Variants in DPP6 observed in about 807,000 individuals in gnomAD.
DPP6 encodes the protein A-type potassium channel modulatory protein DPP6.
Under a neutral mutation model 122.6 loss-of-function variants are expected in DPP6, and 69 were observed. The observed-to-expected ratio is 0.56, with a 90% CI of 0.46 to 0.69. The LOEUF (loss-of-function observed/expected upper bound fraction) is 0.69, where lower values mean the gene tolerates loss of function less well. Among genes scored for constraint, DPP6 ranks in the 30% least tolerant of loss-of-function variants. The probability of loss-of-function intolerance (pLI) is 0.00; values close to 1 mark genes in which losing one functional copy is unlikely to be tolerated. For missense variants in DPP6, 928 were observed against 1,116.9 expected, an observed-to-expected ratio of 0.83 and a Z score of 2.41; for synonymous variants, 418 against 433.1, an observed-to-expected ratio of 0.97 and a Z score of 0.43.
At chr7:154,434,279 C>T (rs527747723) in intron 1 of DPP6, among the ~76,000 whole-genome samples, 2 of 152,300 alleles carry the variant, frequency 1.3e-5, no homozygotes, top group South Asian at 4.1e-4. Flanking sequence ...TACCATGCTG[C>T]TGTAAAACAA....
intron 4 of DPP6, among the ~76,000 whole-genome samples, chr7:154,561,879 C>G (rs62477167): frequency 0.15 from 23,142 of 152,094 alleles, 1,815 homozygotes; most frequent in Admixed American, 0.17. Flanking sequence ...CAAAGTATTA[C>G]AGTTCACCAG....
At chr7:154,178,905 A>T (rs1011822624) in intron 1 of DPP6, among the ~76,000 whole-genome samples, 1 of 152,186 alleles carries the variant, frequency 6.6e-6, no homozygotes, top group Non-Finnish European at 1.5e-5. Context: ...GCTTCAAGAT[A>T]GAACCCAAGG....
At chr7:154,120,397 A>C (rs1807360055) in intron 1 of DPP6, among the ~76,000 whole-genome samples, 1 of 152,046 alleles carries the variant, frequency 6.6e-6, no homozygotes, top group Admixed American at 6.5e-5. Context: ...GGTGTCCGCC[A>C]CCATGCCCAG....
intron 1 of DPP6, chr7:153,887,754 C>T (rs1798996985): frequency 3.1e-6 from 5 of 1,611,742 alleles, no homozygotes; most frequent in Non-Finnish European, 4.2e-6. Context: ...ACGGACAGGG[C>T]GCGCGCTGGG....
At chr7:154,648,839 A>G (rs1836677035) in intron 6 of DPP6, among the ~76,000 whole-genome samples, 1 of 151,862 alleles carries the variant, frequency 6.6e-6, no homozygotes, top group Non-Finnish European at 1.5e-5. Context: ...GAATCATTTG[A>G]ACCCAGGAGG....
chr7:154,683,418 C>T (rs1839405993), intron 7 of DPP6, among the ~76,000 whole-genome samples: 1 of 152,184 alleles, frequency 6.6e-6, no homozygotes, highest in Admixed American at 6.5e-5. Context: ...CCCCTTCCTC[C>T]CCCACCGGCT....
intron 8 of DPP6, among the ~76,000 whole-genome samples, chr7:154,749,545 A>G (rs1587015484): frequency 1.6e-5 from 2 of 128,518 alleles, no homozygotes; most frequent in African/African-American, 3.1e-5. Flanking sequence ...CGGGAGAGAG[A>G]GGGATGGAGG....
upstream of DPP6, among the ~76,000 whole-genome samples, chr7:154,048,460 TAG>T (rs944419284): frequency 7.6e-5 from 6 of 79,072 alleles, 2 homozygotes; most frequent in Admixed American, 4.9e-4. Context: ...CTTTGAGAGA[TAG>T]AGAGTGAGAA....
At chr7:153,989,392 TTGTG>T (rs1292693687) in intron 1 of DPP6, among the ~76,000 whole-genome samples, 7 of 150,948 alleles carry the variant, frequency 4.6e-5, no homozygotes, top group African/African-American at 7.3e-5. Context: ...AGTTGTGTGA[TTGTG>T]TGTACACACA....
intron 16 of DPP6, among the ~76,000 whole-genome samples, chr7:154,839,837 C>T (rs1051867422): frequency 1.3e-5 from 2 of 152,166 alleles, no homozygotes; most frequent in African/African-American, 2.4e-5. Flanking sequence ...TTGTATTTCA[C>T]GTCAAGAGTT....
chr7:154,053,649 C>G (rs533504789), intron 1 of DPP6, among the ~76,000 whole-genome samples: 20 of 152,182 alleles, frequency 1.3e-4, no homozygotes, highest in Admixed American at 4.6e-4. Flanking sequence ...AAAAAAAATA[C>G]CAAAATACTG....
chr7:154,055,323 A>C (rs1276247525), intron 1 of DPP6, among the ~76,000 whole-genome samples: 1 of 133,576 alleles, frequency 7.5e-6, no homozygotes, highest in Non-Finnish European at 1.6e-5. Context: ...ACAAACTTTT[A>C]TGCACTCTTC....
chr7:154,037,085 G>C (rs1799572927), intron 1 of DPP6, among the ~76,000 whole-genome samples: 3 of 152,128 alleles, frequency 2.0e-5, no homozygotes, highest in Admixed American at 2.0e-4. Flanking sequence ...ATGAGTCTCT[G>C]ATCCAGACAT....
intron 16 of DPP6, among the ~76,000 whole-genome samples, chr7:154,819,164 C>T (rs1799605473): frequency 6.6e-6 from 1 of 152,168 alleles, no homozygotes. Flanking sequence ...CCTGTAATGC[C>T]AGCATTTTGG....
intron 1 of DPP6, among the ~76,000 whole-genome samples, chr7:154,023,318 G>GCACACACACACACA (rs1554436897): frequency 0.01 from 1,348 of 129,566 alleles, 20 homozygotes; most frequent in East Asian, 0.016. Context: ...TTTCTTGTCT[G>GCACACACACACACA]CACACACACA....
intron 1 of DPP6, among the ~76,000 whole-genome samples, chr7:154,059,979 TCTTCCCCC>T (rs1801438956): frequency 6.6e-6 from 1 of 152,030 alleles, no homozygotes. Flanking sequence ...ATCCATCCCC[TCTTCCCCC>T]CTGGCTGTTG....
chr7:154,060,308 T>G (rs1801555528), intron 1 of DPP6, among the ~76,000 whole-genome samples: 2 of 129,750 alleles, frequency 1.5e-5, no homozygotes, highest in Non-Finnish European at 3.3e-5. Flanking sequence ...CCCCCCTGGC[T>G]CTTAGGACCC....
intron 1 of DPP6, among the ~76,000 whole-genome samples, chr7:153,930,805 A>G (rs1801137074): frequency 6.6e-6 from 1 of 152,152 alleles, no homozygotes; most frequent in Non-Finnish European, 1.5e-5. Flanking sequence ...TTGTAAGGAC[A>G]TGGTCTCTTG....
rs1427117759 is a variant in DPP6 at position 154,079,513 on chromosome 7, G to A, written c.243+26450G>A. 3.9e-5 allele frequency among the ~76,000 whole-genome samples: 6 copies of A among 152,316 alleles called. 1 individual carries two copies. The highest frequency in any genetic ancestry group is 1.4e-4 in the African/African-American group (6 of 41,566). The stretch of plus-strand genomic sequence containing the variant: ...AACGAGAGGCAAGGTGGAGCCTGCA[G>A]TTTTCACTGGAAGGATTCTAGAGTG... On this transcript the variant is annotated intron_variant, in intron 1 of 25. Transcript: ENST00000377770.
Sources: allele counts gnomAD v4.1 joint callset (sites outside exome capture counted in the v4.1 genomes callset), GRCh38; gene constraint gnomAD v4.1.1; transcripts MANE v1.5; gene names NCBI Gene and HGNC (gene_info 2026-07-23, HGNC 2026-07-21).